Variants in ATP1A2 observed in about 807,000 individuals in gnomAD.
ATP1A2 encodes the protein ATPase Na+/K+ transporting subunit alpha 2, also known as sodium/potassium-transporting ATPase subunit alpha-2.
In ATP1A2, 56 loss-of-function variants were observed where a neutral mutation model predicts 113.1. That is an observed-to-expected ratio of 0.49 (90% CI 0.40 to 0.62). The LOEUF (loss-of-function observed/expected upper bound fraction) is 0.62. Among genes scored for constraint, ATP1A2 ranks in the 20% least tolerant of loss-of-function variants. The pLI is 0.00. For missense variants in ATP1A2, 712 were observed against 1,357.8 expected, an observed-to-expected ratio of 0.52 and a Z score of 7.47; for synonymous variants, 490 against 526.8, an observed-to-expected ratio of 0.93 and a Z score of 0.96.
At chr1:160,126,255 G>A (rs2369407) in intron 7 of ATP1A2, among the ~76,000 whole-genome samples, 89,916 of 151,988 alleles carry the variant, frequency 0.59, 27,106 homozygotes, top group South Asian at 0.73. Context: ...CATATACTTT[G>A]AATCAACTCT....
chr1:160,124,572 C>G, intron 6 of ATP1A2, 142 bp downstream of exon 6: 1 of 1,313,970 alleles, frequency 7.6e-7, no homozygotes, highest in South Asian at 1.3e-5. Flanking sequence ...TAAACCTTCT[C>G]TCAGTGTGGG....
At position 160,120,948 on chromosome 1, in the gene ATP1A2, G is replaced by A. The variant is rs1347478678; in HGVS notation, c.55G>A (p.Gly19Arg). ...ACCTGCCGCCACCACGGCAGAGAAT[G>A]GGGGCGGCAAGAAGAAACAGAAGGA... ...YSPAATTAEN[G>R]GGKKKQKEKE... Residue 19 changes from glycine to arginine, a missense_variant, in exon 2 of 23, where the codon GGG becomes AGG. Physicochemically the swap from Gly to Arg is moderately radical, Grantham distance 125. Coordinates refer to ENST00000361216, the MANE Select transcript of ATP1A2 (RefSeq NM_000702.4). The A allele has an allele frequency of 6.2e-7, 1 of 1,611,176 alleles. No individual in the cohort carries two copies. Among genetic ancestry groups the A allele is most frequent in the African/African-American group, 1.3e-5 (1 of 74,842 alleles).
In ATP1A2 at chr1:160,136,236, A is replaced by T; in HGVS notation, c.2440-11A>T. 1 of 1,613,744 alleles carries T rather than the reference A, an allele frequency of 6.2e-7. No homozygotes were observed. The highest frequency in any genetic ancestry group is 8.5e-7 in the Non-Finnish European group (1 of 1,179,930). ...AAATGCCCTCCCTGCCCCATTTCCTACCCCACACAGGTCCCTGCCATCTCC... is the reference window on the plus strand; with the variant it reads ...AAATGCCCTCCCTGCCCCATTTCCTTCCCCACACAGGTCCCTGCCATCTCC... On this transcript the variant is annotated splice_polypyrimidine_tract_variant and intron_variant, in intron 17 of 22. Coordinates refer to ENST00000361216, the MANE Select transcript of ATP1A2 (RefSeq NM_000702.4).
At chr1:160,117,645 C>A (rs1347263592) in intron 1 of ATP1A2, among the ~76,000 whole-genome samples, 3 of 152,144 alleles carry the variant, frequency 2.0e-5, no homozygotes, top group African/African-American at 7.2e-5. Context: ...CACCCACAAC[C>A]TGTTCTAGGG....
chr1:160,136,207 C>T, intron 17 of ATP1A2, 40 bp from the exon 18 acceptor site: 1 of 1,613,900 alleles, frequency 6.2e-7, no homozygotes, highest in Non-Finnish European at 8.5e-7. Flanking sequence ...TCCTACGTCC[C>T]TTCAAATGCC....
intron 22 of ATP1A2, chr1:160,140,530 G>T: frequency 5.8e-6 from 1 of 172,812 alleles, no homozygotes; most frequent in Admixed American, 5.4e-5. Flanking sequence ...TGTGGGGGGA[G>T]GAGGGTGGAT....
Position 160,135,846 on chromosome 1 carries a change from G to A in ATP1A2, c.2292G>A (p.Leu764=). 6.2e-7 allele frequency: 1 copy of A among 1,614,130 alleles called. No homozygotes were observed. The highest frequency in any genetic ancestry group is 8.5e-7 in the Non-Finnish European group (1 of 1,180,008). Residue 764 remains leucine (L), a synonymous_variant, in exon 17 of 23, where the codon CTG becomes CTA. Transcript: ENST00000361216. This position sits in a 1 kb window ranked among gnomAD's most constrained non-coding sequence, Gnocchi z 6.3. ...CTCAGAATCTCCCCACAGGCCGCCT[G>A]ATCTTTGACAACTTGAAGAAATCCA... ...SIVTGVEEGR[L]IFDNLKKSIA...
At position 160,136,242 on chromosome 1, in the gene ATP1A2, C is replaced by T. The variant is rs1651936746; in HGVS notation, c.2440-5C>T. On this transcript the variant is annotated splice_polypyrimidine_tract_variant and splice_region_variant and intron_variant, in intron 17 of 22. Transcript: ENST00000361216. ...CCTCCCTGCCCCATTTCCTACCCCA[C>T]ACAGGTCCCTGCCATCTCCTTGGCC... 1 of 1,614,206 alleles carries T rather than the reference C, an allele frequency of 6.2e-7. No individual in the cohort carries two copies. The highest frequency in any genetic ancestry group is 8.5e-7 in the Non-Finnish European group (1 of 1,180,040).
In ATP1A2 at chr1:160,127,660, T is replaced by C. The variant is rs121918617; in HGVS notation, c.857T>C (p.Ile286Thr). The change falls in exon 8 of 23, where the codon ATT becomes ACT. Residue 286 changes from isoleucine to threonine, a missense_variant. Transcript: ENST00000361216. Reference sequence around the variant, plus strand: ...GGGCGGACACCCATAGCAATGGAGATTGAACACTTCATCCAGCTGATCACA... The same window carrying C: ...GGGCGGACACCCATAGCAATGGAGACTGAACACTTCATCCAGCTGATCACA... ...EVGRTPIAME[I>T]EHFIQLITGV... 2.5e-6 allele frequency: 4 copies of C among 1,614,150 alleles called. No homozygotes were observed. Among genetic ancestry groups the C allele is most frequent in the Non-Finnish European group, 3.4e-6 (4 of 1,180,052 alleles).
intron 13 of ATP1A2, among the ~76,000 whole-genome samples, chr1:160,130,867 C>A (rs923583576): frequency 1.3e-5 from 2 of 152,200 alleles, no homozygotes; most frequent in East Asian, 1.9e-4. Context: ...CCCTTCCATT[C>A]TGATTTGAAG....
In ATP1A2 at chr1:160,128,790, G is replaced by A. The variant is rs137878081; in HGVS notation, c.1156G>A (p.Val386Ile). 53 of 1,614,036 alleles carry A rather than the reference G, an allele frequency of 3.3e-5. No homozygotes were observed. Among genetic ancestry groups the A allele is most frequent in the East Asian group, 2.5e-4 (11 of 44,888 alleles). The part of the protein sequence containing the change: ...TGTLTQNRMT[V>I]AHMWFDNQIH... ...CACCCTCACCCAGAACCGCATGACC[G>A]TCGCCCACATGTGGTTCGACAACCA... The change falls in exon 9 of 23, where the codon GTC (valine) becomes ATC (isoleucine). Residue 386 changes from valine to isoleucine, a missense_variant. By Grantham distance (29) the Val-to-Ile change is conservative. This residue lies in a region of ATP1A2 where 44 missense variants were observed against 153.1 expected (regional missense o/e 0.29). Transcript: ENST00000361216.
In ATP1A2 at chr1:160,127,535, G is replaced by A. The variant is rs558866130; in HGVS notation, c.749-17G>A. 6.2e-7 allele frequency: 1 copy of A among 1,614,032 alleles called. No homozygotes were observed. The highest frequency in any genetic ancestry group is 1.7e-5 in the Admixed American group (1 of 60,020). On this transcript the variant is annotated splice_polypyrimidine_tract_variant and intron_variant, in intron 7 of 22. Transcript: ENST00000361216. ...GGAGCCACAAGGCACCCAACCTGAT[G>A]CCCCACCATGTTGCAGGCACTGCCA... is the stretch of plus-strand genomic sequence containing the variant.
intron 18 of ATP1A2, 69 bp downstream of exon 18, chr1:160,136,439 G>A (rs950062399): frequency 1.9e-6 from 3 of 1,612,186 alleles, no homozygotes; most frequent in Non-Finnish European, 2.5e-6. Flanking sequence ...AGAGGAATGA[G>A]CCCCAAGCAA....
chr1:160,136,022 G>A (rs1267564623), intron 17 of ATP1A2, 29 bp downstream of exon 17: 1 of 1,614,130 alleles, frequency 6.2e-7, no homozygotes, highest in Admixed American at 1.7e-5. Context: ...GGAGGGGACA[G>A]GCAAGGCAAT....
At chr1:160,121,130 C>T (rs1272183105) in intron 2 of ATP1A2, 62 bp from the exon 3 acceptor site, 3 of 1,602,952 alleles carry the variant, frequency 1.9e-6, no homozygotes, top group Non-Finnish European at 2.6e-6. Flanking sequence ...CTGTGCCCTG[C>T]AGTACCCTCA....
chr1:160,129,492 G>T (rs1651699940), intron 11 of ATP1A2, 92 bp downstream of exon 11: 1 of 1,578,480 alleles, frequency 6.3e-7, no homozygotes, highest in Non-Finnish European at 8.6e-7. Context: ...AGCAGGAGTG[G>T]GGGTGTCTGA....
chr1:160,128,581 G>A (rs780685945), intron 8 of ATP1A2, 71 bp from the exon 9 acceptor site: 174 of 1,608,342 alleles, frequency 1.1e-4, no homozygotes, highest in Non-Finnish European at 1.3e-4. Context: ...ATGGAGCCAC[G>A]GTCTAGGGTA....
Position 160,123,421 on chromosome 1 carries a change from G to A in ATP1A2, c.381+5G>A, listed in dbSNP as rs749713730. The stretch of plus-strand genomic sequence containing the variant: ...GATGAACCATCCAACGACAATGTGA[G>A]CCCACACGCCCGACCCGGGAACAGC... On this transcript the variant is annotated splice_donor_5th_base_variant and intron_variant, in intron 4 of 22. Transcript: ENST00000361216. 6 of 1,614,116 alleles carry A rather than the reference G, an allele frequency of 3.7e-6. No homozygotes were observed. The highest frequency in any genetic ancestry group is 5.1e-6 in the Non-Finnish European group (6 of 1,180,024).
intron 3 of ATP1A2, among the ~76,000 whole-genome samples, chr1:160,122,884 G>A (rs1326636453): frequency 6.6e-6 from 1 of 152,114 alleles, no homozygotes. Flanking sequence ...AAGAGAGATG[G>A]GGAAAAAACA....
Sources: gnomAD v4.1 joint callset for allele counts (sites outside exome capture counted in the v4.1 genomes callset) on GRCh38, gnomAD v4.1.1 for gene constraint, gnomAD v4.1.1 regional missense constraint, Gnocchi (gnomAD v3.1) non-coding constraint, MANE v1.5 for transcripts, NCBI Gene and HGNC (gene_info 2026-07-23, HGNC 2026-07-21) for gene names.